TRAK1: variants seen among roughly 807,000 people sequenced by gnomAD.
The protein encoded by TRAK1 is trafficking kinesin protein 1.
In TRAK1, 33 loss-of-function variants were observed where a neutral mutation model predicts 92.1. The ratio of observed to expected loss-of-function variants is 0.36; its 90% CI spans 0.27 to 0.48. The LOEUF is 0.48. Ranked by LOEUF, TRAK1 falls within the 20% of genes least tolerant of loss-of-function variation. The probability of loss-of-function intolerance (pLI) is 0.99; values close to 1 mark genes in which losing one functional copy is unlikely to be tolerated. For synonymous variants in TRAK1, 521 were observed against 517.3 expected (o/e 1.01, Z -0.10); for missense variants, 1,123 against 1,257.9 (o/e 0.89, Z 1.62).
chr3:42,052,418 G>A (rs1209068544), intron 1 of TRAK1, among the ~76,000 whole-genome samples: 1 of 152,202 alleles, frequency 6.6e-6, no homozygotes, highest in African/African-American at 2.4e-5. Flanking sequence ...TGGTGCAAAA[G>A]TCAGTCCTTC....
upstream of TRAK1, among the ~76,000 whole-genome samples, chr3:42,013,478 C>T (rs564697837): frequency 2.1e-3 from 310 of 150,758 alleles, no homozygotes; most frequent in African/African-American, 7.2e-3. This position sits in a 1 kb window ranked among gnomAD's most constrained non-coding sequence, Gnocchi z 5.1. Context: ...CAGCCGCGGG[C>T]GAGGAAGGCG....
At chr3:42,147,327 C>T (rs1465340416) in intron 2 of TRAK1, among the ~76,000 whole-genome samples, 1 of 152,034 alleles carries the variant, frequency 6.6e-6, no homozygotes, top group Non-Finnish European at 1.5e-5. Flanking sequence ...TATACTTTGA[C>T]CAGAAAGAAT....
intron 15 of TRAK1, among the ~76,000 whole-genome samples, chr3:42,221,550 C>T (rs1710348504): frequency 6.6e-6 from 1 of 152,210 alleles, no homozygotes; most frequent in Admixed American, 6.5e-5. Flanking sequence ...CCTTTTCCTT[C>T]CCATTCCCTC....
intron 9 of TRAK1, 109 bp from the exon 10 acceptor site, chr3:42,194,695 G>T: frequency 1.5e-6 from 2 of 1,358,044 alleles, no homozygotes; most frequent in South Asian, 1.5e-5. Context: ...GGTTCCACAC[G>T]TGCTGGGGAC....
chr3:42,219,630 G>C, intron 15 of TRAK1, 34 bp downstream of exon 15: 1 of 1,596,176 alleles, frequency 6.3e-7, no homozygotes, highest in East Asian at 2.2e-5. Context: ...GGGCAGGGGT[G>C]GGGTGAAGTC....
At chr3:42,075,752 C>CT (rs1314587363) in intron 1 of TRAK1, among the ~76,000 whole-genome samples, 1 of 151,968 alleles carries the variant, frequency 6.6e-6, no homozygotes, top group Admixed American at 6.6e-5. Context: ...TGATGTTGAG[C>CT]TTTTTTTTCA....
chr3:42,048,933 G>T (rs1473934750), intron 1 of TRAK1, among the ~76,000 whole-genome samples: 1 of 152,186 alleles, frequency 6.6e-6, no homozygotes, highest in Non-Finnish European at 1.5e-5. Context: ...GAGACAGGGT[G>T]TCACTCTGTT....
In TRAK1 at chr3:42,200,856, A is replaced by G. The variant is rs769813265; in HGVS notation, c.1229A>G (p.Asn410Ser). The change falls in exon 12 of 16, where the codon AAC becomes AGC. Residue 410 changes from asparagine to serine, a missense_variant. Asn to Ser is a conservative substitution (Grantham distance 46, BLOSUM62 1). Transcript: ENST00000327628. ...GTCTTTGAGACAGTAAGAAACATCA[A>G]CCAGGTTGTCAAGCAGAGATCTCTG... ...KRVFETVRNINQVVKQRSLTP... is the reference protein window; with the variant it reads ...KRVFETVRNISQVVKQRSLTP... The G allele has an allele frequency of 5.0e-6, 8 of 1,614,002 alleles. No individual in the cohort carries two copies. The East Asian group carries it at 1.1e-4, about 22-fold the overall frequency.
chr3:42,031,496 T>C (rs1324118236), intron 1 of TRAK1, among the ~76,000 whole-genome samples: 1 of 142,150 alleles, frequency 7.0e-6, no homozygotes, highest in Admixed American at 7.3e-5. Context: ...TAGCCAGGCA[T>C]GGTGGTGTGC....
In TRAK1 at chr3:42,191,655, GTCT is replaced by G. The variant is rs774741183; in HGVS notation, c.769+24_769+26del. On this transcript the variant is annotated intron_variant, in intron 7 of 15. Transcript: ENST00000327628. The stretch of plus-strand genomic sequence containing the variant: ...GAGCTGAGTATGTCCCCGCACTGCT[GTCT>G]TCTTACTTCCTTGCATCTGCTGTCA... 1 of 1,583,332 alleles carries G rather than the reference GTCT, an allele frequency of 6.3e-7. No individual in the cohort carries two copies. The highest frequency in any genetic ancestry group is 8.6e-7 in the Non-Finnish European group (1 of 1,163,782).
intron 1 of TRAK1, among the ~76,000 whole-genome samples, chr3:42,078,106 T>C (rs769382645): frequency 1.3e-4 from 20 of 152,194 alleles, no homozygotes; most frequent in Non-Finnish European, 2.8e-4. Context: ...GTCTGGTATG[T>C]TAGATCTAAA....
intron 3 of TRAK1, among the ~76,000 whole-genome samples, chr3:42,177,617 T>G (rs1458544651): frequency 6.6e-6 from 1 of 152,146 alleles, no homozygotes; most frequent in Admixed American, 6.5e-5. Flanking sequence ...CTGGAATGAT[T>G]TTGGGGCGTG....
rs369097911 is a variant in TRAK1 at position 42,204,837 on chromosome 3, C to A, written c.1744+2085C>A. On this transcript the variant is annotated intron_variant, in intron 13 of 15. Transcript: ENST00000327628. ...CCTCAAGTTACCCTTCCACCTCAGC[C>A]TCCCAAAGTGTTAGGATTACAGGCA... Among the ~76,000 whole-genome samples the A allele has an allele frequency of 5.1e-4, 77 of 152,302 alleles. No homozygotes were observed. In the South Asian group the frequency reaches 9.9e-3, roughly 20 times the overall value.
At chr3:42,120,545 T>C (rs1014585632) in intron 1 of TRAK1, among the ~76,000 whole-genome samples, 1 of 151,752 alleles carries the variant, frequency 6.6e-6, no homozygotes, top group African/African-American at 2.4e-5. Context: ...TGTGCTTTTT[T>C]TTGTTTTGTT....
intron 1 of TRAK1, among the ~76,000 whole-genome samples, chr3:42,104,048 C>T (rs371570006): frequency 9.2e-5 from 14 of 152,154 alleles, no homozygotes; most frequent in Non-Finnish European, 1.6e-4. Flanking sequence ...GAGGGTCCCA[C>T]GCCCACGGAA....
At chr3:42,038,986 T>C (rs916598060) in intron 1 of TRAK1, among the ~76,000 whole-genome samples, 3 of 151,956 alleles carry the variant, frequency 2.0e-5, no homozygotes, top group African/African-American at 7.3e-5. Flanking sequence ...ATTTTTAATA[T>C]ACCATAGGGT....
At position 42,113,350 on chromosome 3, in the gene TRAK1, TCCTACGCCTACG is replaced by T. The variant is rs1298958465; in HGVS notation, c.92-12058_92-12047del. 4.1e-5 allele frequency among the ~76,000 whole-genome samples: 6 copies of T among 147,550 alleles called. No individual in the cohort carries two copies. The South Asian group carries it at 6.8e-4, about 17-fold the overall frequency. Reference sequence around the variant, plus strand: ...TCTCTACTCTCTACTCTACTCCTACTCCTACGCCTACGCCTACGCCTACCCCTACCCCTACCC... The same window carrying T: ...TCTCTACTCTCTACTCTACTCCTACTCCTACGCCTACCCCTACCCCTACCC... On this transcript the variant is annotated intron_variant, in intron 1 of 15. Transcript: ENST00000327628.
At chr3:42,107,784 C>T (rs1707792217) in intron 1 of TRAK1, among the ~76,000 whole-genome samples, 1 of 151,928 alleles carries the variant, frequency 6.6e-6, no homozygotes, top group South Asian at 2.1e-4. Flanking sequence ...CTGTATAGAA[C>T]AGTGGCTTCA....
chr3:42,169,473 C>G (rs1387576553), intron 2 of TRAK1, among the ~76,000 whole-genome samples: 1 of 152,012 alleles, frequency 6.6e-6, no homozygotes, highest in Admixed American at 6.5e-5. Flanking sequence ...ACTTAGGAGA[C>G]TTTAAAAAGT....
Sources: allele counts gnomAD v4.1 joint callset (sites outside exome capture counted in the v4.1 genomes callset), GRCh38; gene constraint gnomAD v4.1.1; non-coding constraint Gnocchi (gnomAD v3.1); transcripts MANE v1.5; gene names NCBI Gene and HGNC (gene_info 2026-07-23, HGNC 2026-07-21).